Variants in PDZRN3 observed in about 807,000 individuals in gnomAD.
The protein encoded by PDZRN3 is PDZ domain containing ring finger 3.
Under a neutral mutation model 85.7 loss-of-function variants are expected in PDZRN3, and 38 were observed. That is an observed-to-expected ratio of 0.44 (90% CI 0.34 to 0.58). PDZRN3 has a LOEUF of 0.58. Ranked by LOEUF, PDZRN3 falls within the 20% of genes least tolerant of loss-of-function variation. PDZRN3 has a pLI of 0.01. For missense variants in PDZRN3, 1,629 were observed against 1,506.4 expected, an observed-to-expected ratio of 1.08 and a Z score of -1.35; for synonymous variants, 759 against 638.0, an observed-to-expected ratio of 1.19 and a Z score of -2.86.
chr3:73,459,776 C>A (rs1703066986), intron 3 of PDZRN3, among the ~76,000 whole-genome samples: 1 of 152,150 alleles, frequency 6.6e-6, no homozygotes, highest in Non-Finnish European at 1.5e-5. Context: ...TTGGTTGATT[C>A]CATGTCTTTG....
At chr3:73,500,649 T>G (rs1703959238) in intron 3 of PDZRN3, among the ~76,000 whole-genome samples, 1 of 152,204 alleles carries the variant, frequency 6.6e-6, no homozygotes, top group African/African-American at 2.4e-5. Flanking sequence ...GCTCCTCATC[T>G]TTTTATGTTG....
chr3:73,608,678 C>A lies in PDZRN3; in HGVS notation c.730G>T (p.Glu244Ter), dbSNP rs771251471. 1 of 1,605,960 alleles carries A rather than the reference C, an allele frequency of 6.2e-7. No individual in the cohort carries two copies. Among genetic ancestry groups the A allele is most frequent in the Non-Finnish European group, 8.5e-7 (1 of 1,174,450 alleles). ...AGGACAAGAGTCAGACTTTTGGTTT[C>A]TTCGCCCTGCAGGTAACAAATGAGA... ...VAAPPGGKGEETKSLTLVLHR... is the reference protein window; with the variant it reads ...VAAPPGGKGE Residue 244 changes from glutamate (E) to a stop codon, truncating the protein, a stop_gained, in exon 2 of 10, where the codon GAA becomes TAA. Coordinates refer to ENST00000263666, the MANE Select transcript of PDZRN3 (RefSeq NM_015009.3). LOFTEE classifies it high-confidence loss of function.
At position 73,384,463 on chromosome 3, in the gene PDZRN3, G is replaced by A; in HGVS notation, c.2103C>T (p.Ser701=). Residue 701 remains serine, a synonymous_variant, in exon 10 of 10, where the codon AGC becomes AGT. Coordinates refer to ENST00000263666, the MANE Select transcript of PDZRN3 (RefSeq NM_015009.3). ...ELRSIELECL[S]IVRAHKMQQL... is the part of the protein sequence containing the mutation. ...GCTGCATCTTGTGGGCGCGCACGAT[G>A]CTCAGGCACTCCAGCTCGATGCTGC... is the stretch of plus-strand genomic sequence containing the variant. 6.2e-7 allele frequency: 1 copy of A among 1,612,926 alleles called. No individual in the cohort carries two copies.
chr3:73,390,900 A>T, intron 6 of PDZRN3, 118 bp downstream of exon 6: 1 of 690,390 alleles, frequency 1.4e-6, no homozygotes. Flanking sequence ...AGGGGGACAG[A>T]ATAATTTGTG....
At chr3:73,620,465 C>A (rs1421736042) in intron 1 of PDZRN3, among the ~76,000 whole-genome samples, 1 of 152,162 alleles carries the variant, frequency 6.6e-6, no homozygotes, top group Non-Finnish European at 1.5e-5. Context: ...TTAACTCACT[C>A]AAGTGTAGCA....
intron 5 of PDZRN3, among the ~76,000 whole-genome samples, chr3:73,391,771 T>G (rs561716053): frequency 1.3e-5 from 2 of 152,254 alleles, no homozygotes; most frequent in East Asian, 3.9e-4. Flanking sequence ...AGTCAGAACT[T>G]TGGAAATTGT....
At chr3:73,409,990 A>G (rs942428140) in intron 3 of PDZRN3, among the ~76,000 whole-genome samples, 1 of 152,216 alleles carries the variant, frequency 6.6e-6, no homozygotes, top group Non-Finnish European at 1.5e-5. Flanking sequence ...TCAGCCTAGT[A>G]TAAATTATGC....
At chr3:73,569,181 C>T in intron 3 of PDZRN3, 1 of 1,289,458 alleles carries the variant, frequency 7.8e-7, no homozygotes, top group Non-Finnish European at 1.0e-6. Flanking sequence ...CTTCTTTACT[C>T]TTTGATTCAT....
At chr3:73,428,604 C>A (rs1702366723) in intron 3 of PDZRN3, among the ~76,000 whole-genome samples, 1 of 152,144 alleles carries the variant, frequency 6.6e-6, no homozygotes, top group Admixed American at 6.5e-5. Context: ...CGGTGGGTAT[C>A]AAGCCCTAGT....
Position 73,624,410 on chromosome 3 carries a change from ACTGGCCGC to A in PDZRN3, c.408_415del (p.Arg137GlyfsTer69). 7.7e-7 allele frequency: 1 copy of A among 1,303,336 alleles called. No individual in the cohort carries two copies. Among genetic ancestry groups the A allele is most frequent in the Non-Finnish European group, 9.7e-7 (1 of 1,031,244 alleles). 80.7% of individuals were successfully genotyped at this position (1,303,336 alleles called of 1,614,324 possible). On this transcript the variant is annotated frameshift_variant, in exon 1 of 10. Transcript: ENST00000263666. LOFTEE classifies it high-confidence loss of function. Reference sequence around the variant, plus strand: ...CCCGCAGCCCTCCTGGCAGCGGCCCACTGGCCGCGCGTCGCAGGCGTCGCGCATGTGCG... The same window carrying A: ...CCCGCAGCCCTCCTGGCAGCGGCCCAGCGTCGCAGGCGTCGCGCATGTGCG...
At chr3:73,591,757 C>T (rs927364965) in intron 3 of PDZRN3, among the ~76,000 whole-genome samples, 7 of 152,060 alleles carry the variant, frequency 4.6e-5, no homozygotes, top group African/African-American at 1.4e-4. Flanking sequence ...AAGAAGTTTC[C>T]CCAAGATCAT....
At chr3:73,543,394 G>T (rs1349616565) in intron 3 of PDZRN3, among the ~76,000 whole-genome samples, 1 of 152,236 alleles carries the variant, frequency 6.6e-6, no homozygotes, top group African/African-American at 2.4e-5. Context: ...AGGTGAGGGG[G>T]TTCCCTCTTC....
At chr3:73,422,623 T>C (rs959492824) in intron 3 of PDZRN3, among the ~76,000 whole-genome samples, 2 of 152,022 alleles carry the variant, frequency 1.3e-5, no homozygotes, top group Admixed American at 6.6e-5. Context: ...TGGAGTAGAG[T>C]TGGTTCTGAG....
At chr3:73,478,030 G>C (rs756727595) in intron 3 of PDZRN3, among the ~76,000 whole-genome samples, 18 of 152,094 alleles carry the variant, frequency 1.2e-4, no homozygotes, top group Non-Finnish European at 1.8e-4. Context: ...GGAATTATGG[G>C]AATTACAATT....
At chr3:73,449,079 C>T (rs1702807557) in intron 3 of PDZRN3, among the ~76,000 whole-genome samples, 1 of 152,128 alleles carries the variant, frequency 6.6e-6, no homozygotes, top group Non-Finnish European at 1.5e-5. Context: ...GAAGAAATCA[C>T]AGATAATTAA....
At chr3:73,544,962 T>G (rs1559731139) in intron 3 of PDZRN3, among the ~76,000 whole-genome samples, 1 of 152,016 alleles carries the variant, frequency 6.6e-6, no homozygotes, top group African/African-American at 2.4e-5. Flanking sequence ...CTCCAATGCA[T>G]GCACACATAT....
chr3:73,505,071 G>A (rs563046366), intron 3 of PDZRN3, among the ~76,000 whole-genome samples: 6 of 152,152 alleles, frequency 3.9e-5, no homozygotes, highest in Non-Finnish European at 5.9e-5. Context: ...GCCAAATCCC[G>A]TTCCTAGTCT....
intron 3 of PDZRN3, among the ~76,000 whole-genome samples, chr3:73,544,687 G>GT (rs879453711): frequency 0.026 from 3,742 of 143,952 alleles, 153 homozygotes; most frequent in African/African-American, 0.087. Flanking sequence ...CACTATCTGG[G>GT]TTTTTTTTTT....
intron 3 of PDZRN3, among the ~76,000 whole-genome samples, chr3:73,471,054 G>A (rs982299009): frequency 6.6e-6 from 1 of 152,164 alleles, no homozygotes; most frequent in Non-Finnish European, 1.5e-5. Context: ...TTCAGAATGT[G>A]ACCTTATTTG....
Sources: allele counts gnomAD v4.1 joint callset (sites outside exome capture counted in the v4.1 genomes callset), GRCh38; gene constraint gnomAD v4.1.1; transcripts MANE v1.5; gene names NCBI Gene and HGNC (gene_info 2026-07-23, HGNC 2026-07-21).